ADGRL2: variants seen among roughly 807,000 people sequenced by gnomAD.
ADGRL2 encodes the protein calcium-independent alpha-latrotoxin receptor 2.
ADGRL2 carries 44 observed loss-of-function variants against 157.4 expected under a neutral mutation model. The observed-to-expected ratio is 0.28, with a 90% confidence interval of 0.22 to 0.36. The LOEUF (loss-of-function observed/expected upper bound fraction) is 0.36. Among genes scored for constraint, ADGRL2 ranks in the 10% least tolerant of loss-of-function variants. The pLI is 1.00. For missense variants in ADGRL2, 1,510 were observed against 1,768.9 expected (o/e 0.85, Z 2.63); for synonymous variants, 585 against 624.7 (o/e 0.94, Z 0.95).
intron 1 of ADGRL2, among the ~76,000 whole-genome samples, chr1:81,444,186 C>A (rs984137699): frequency 4.6e-5 from 7 of 152,196 alleles, no homozygotes; most frequent in Non-Finnish European, 1.0e-4. Context: ...TACCTTTGAA[C>A]CTTTTAATCA....
chr1:81,418,250 A>T (rs945525937), intron 1 of ADGRL2, among the ~76,000 whole-genome samples: 1 of 152,240 alleles, frequency 6.6e-6, no homozygotes, highest in Non-Finnish European at 1.5e-5. Context: ...AAATCGCAAC[A>T]CTATTTTAAA....
At chr1:81,395,268 C>G (rs895479111) in intron 1 of ADGRL2, among the ~76,000 whole-genome samples, 22 of 152,062 alleles carry the variant, frequency 1.4e-4, no homozygotes, top group Non-Finnish European at 4.4e-5. Context: ...TGATTTGCAT[C>G]TCCCTTAGGA....
intron 10 of ADGRL2, among the ~76,000 whole-genome samples, chr1:81,954,755 A>T (rs2149120868): frequency 6.6e-6 from 1 of 152,340 alleles, no homozygotes; most frequent in East Asian, 1.9e-4. Flanking sequence ...CACGGCAGAC[A>T]GAACGAGGAT....
At chr1:81,664,258 C>T (rs1451329754) in intron 3 of ADGRL2, among the ~76,000 whole-genome samples, 2 of 152,078 alleles carry the variant, frequency 1.3e-5, no homozygotes, top group African/African-American at 4.8e-5. Context: ...ACATCTCAGA[C>T]ATCTAGAATA....
At chr1:81,965,320 CA>C (rs559449556) in intron 11 of ADGRL2, among the ~76,000 whole-genome samples, 3 of 152,142 alleles carry the variant, frequency 2.0e-5, no homozygotes, top group Non-Finnish European at 4.4e-5. Context: ...AATGAATAAG[CA>C]TGATTGTGTT....
chr1:81,978,818 G>A (rs963406208), intron 17 of ADGRL2, among the ~76,000 whole-genome samples: 2 of 151,696 alleles, frequency 1.3e-5, no homozygotes, highest in South Asian at 4.1e-4. Context: ...CTGCAACAAG[G>A]AATTAAATTC....
At chr1:81,668,398 G>C (rs541710502) in intron 3 of ADGRL2, among the ~76,000 whole-genome samples, 14 of 146,478 alleles carry the variant, frequency 9.6e-5, no homozygotes, top group Admixed American at 7.6e-4. Flanking sequence ...GCAGCCTGGC[G>C]ACAGAGTAAC....
intron 1 of ADGRL2, among the ~76,000 whole-genome samples, chr1:81,332,283 A>AT (rs1326161694): frequency 2.0e-5 from 3 of 152,092 alleles, no homozygotes; most frequent in Non-Finnish European, 2.9e-5. Context: ...TCACAACTTC[A>AT]TTTTTTTTCT....
At chr1:81,368,909 C>T (rs577369430) in intron 1 of ADGRL2, among the ~76,000 whole-genome samples, 2 of 152,194 alleles carry the variant, frequency 1.3e-5, no homozygotes, top group East Asian at 1.9e-4. Context: ...TACATAATTC[C>T]CTTATAAAAT....
At chr1:81,625,907 TA>T (rs1460237563) in intron 3 of ADGRL2, among the ~76,000 whole-genome samples, 1 of 152,198 alleles carries the variant, frequency 6.6e-6, no homozygotes, top group East Asian at 1.9e-4. Context: ...GTGGACTATA[TA>T]GAGTTAAAAG....
chr1:81,811,017 A>G (rs966235990), intron 1 of ADGRL2, among the ~76,000 whole-genome samples: 1 of 151,852 alleles, frequency 6.6e-6, no homozygotes, highest in South Asian at 2.1e-4. Flanking sequence ...TTTTTCTACT[A>G]CAAGTGCTAT....
intron 1 of ADGRL2, among the ~76,000 whole-genome samples, chr1:81,803,172 C>T (rs2088557099): frequency 6.6e-6 from 1 of 151,906 alleles, no homozygotes; most frequent in Admixed American, 6.5e-5. Flanking sequence ...GAGAGAAAGG[C>T]GTGGGAGGAG....
At chr1:81,628,612 T>C (rs1389845758) in intron 3 of ADGRL2, among the ~76,000 whole-genome samples, 1 of 152,138 alleles carries the variant, frequency 6.6e-6, no homozygotes, top group Non-Finnish European at 1.5e-5. Flanking sequence ...AAACTACCTA[T>C]TTCCTCAGCA....
chr1:81,392,227 C>CAA (rs35544082), intron 1 of ADGRL2, among the ~76,000 whole-genome samples: 5,033 of 146,902 alleles, frequency 0.034, 259 homozygotes, highest in African/African-American at 0.11. Flanking sequence ...CCCATCCCCA[C>CAA]AAAAAAAAAA....
chr1:81,830,547 T>C (rs991268076), intron 1 of ADGRL2, among the ~76,000 whole-genome samples: 9 of 152,152 alleles, frequency 5.9e-5, no homozygotes, highest in African/African-American at 2.2e-4. Context: ...TCGCTCTGTC[T>C]CCTGGGCTGG....
chr1:81,372,529 A>G (rs769975312), intron 1 of ADGRL2, among the ~76,000 whole-genome samples: 5 of 152,208 alleles, frequency 3.3e-5, no homozygotes, highest in South Asian at 2.1e-4. Flanking sequence ...ATAATTCAGC[A>G]TAAGTAAGTT....
intron 3 of ADGRL2, among the ~76,000 whole-genome samples, chr1:81,930,549 A>G (rs771568032): frequency 5.3e-5 from 8 of 152,188 alleles, no homozygotes; most frequent in Non-Finnish European, 1.0e-4. Context: ...GCAAATTGGG[A>G]TGGTTAAGTG....
intron 3 of ADGRL2, among the ~76,000 whole-genome samples, chr1:81,926,666 A>C (rs2095114663): frequency 6.6e-6 from 1 of 152,066 alleles, no homozygotes; most frequent in African/African-American, 2.4e-5. Context: ...TTTAAGTATT[A>C]CAAAATTTTA....
intron 2 of ADGRL2, among the ~76,000 whole-genome samples, chr1:81,880,114 T>A (rs776945802): frequency 1.3e-5 from 2 of 152,170 alleles, no homozygotes; most frequent in Non-Finnish European, 2.9e-5. Flanking sequence ...AAATTATAAT[T>A]TTTCTGGTTA....
Sources: allele counts gnomAD v4.1 joint callset (sites outside exome capture counted in the v4.1 genomes callset), GRCh38; gene constraint gnomAD v4.1.1; transcripts MANE v1.5; gene names NCBI Gene and HGNC (gene_info 2026-07-23, HGNC 2026-07-21).